Variants in AFF2 observed in about 807,000 individuals in gnomAD.
AFF2 encodes the protein ALF transcription elongation factor 2.
AFF2 carries 14 observed loss-of-function variants against 76.9 expected under a neutral mutation model. The observed-to-expected ratio is 0.18, with a 90% CI of 0.12 to 0.28. The LOEUF (loss-of-function observed/expected upper bound fraction) is 0.28, where lower values mean the gene tolerates loss of function less well. AFF2 is among the 10% of genes least tolerant of loss of function. The probability of loss-of-function intolerance (pLI) is 1.00; values close to 1 mark genes in which losing one functional copy is unlikely to be tolerated. For synonymous variants in AFF2, 398 were observed against 366.7 expected (o/e 1.09, Z -0.98); for missense variants, 868 against 1,001.1 (o/e 0.87, Z 1.79).
At chrX:148,647,955 A>G (rs2054159978) in intron 1 of AFF2, among the ~76,000 whole-genome samples, 1 of 111,816 alleles carries the variant, frequency 8.9e-6, no homozygotes, top group South Asian at 3.7e-4. Flanking sequence ...ATCTCACGGA[A>G]TCTACATGTG....
chrX:148,665,599 G>C, intron 3 of AFF2, among the ~76,000 whole-genome samples: 1 of 111,744 alleles, frequency 8.9e-6, no homozygotes, highest in Non-Finnish European at 1.9e-5. Flanking sequence ...AGAGAGCTTA[G>C]AAGGGTGCAG....
intron 3 of AFF2, among the ~76,000 whole-genome samples, chrX:148,668,939 T>G (rs782590927): frequency 6.2e-5 from 7 of 112,326 alleles, no homozygotes; most frequent in Admixed American, 1.9e-4. Context: ...AAGCTGCAAA[T>G]TTTCCAAACT....
intron 8 of AFF2, among the ~76,000 whole-genome samples, chrX:148,892,755 G>A (rs2071238268): frequency 8.9e-6 from 1 of 112,271 alleles, no homozygotes; most frequent in Non-Finnish European, 1.9e-5. Context: ...TGTGACAACA[G>A]ATACTCTTCC....
intron 1 of AFF2, among the ~76,000 whole-genome samples, chrX:148,636,955 A>C (rs2054037912): frequency 8.9e-6 from 1 of 112,163 alleles, no homozygotes; most frequent in African/African-American, 3.2e-5. Flanking sequence ...GGCAATTTAC[A>C]TTAATCCCGG....
chrX:148,831,337 A>G (rs782568900), intron 4 of AFF2, among the ~76,000 whole-genome samples: 14 of 112,603 alleles, frequency 1.2e-4, no homozygotes, highest in African/African-American at 4.5e-4. Flanking sequence ...TTGATTGGGG[A>G]AGTGATAAAT....
At chrX:148,830,580 C>T (rs1041772668) in intron 4 of AFF2, among the ~76,000 whole-genome samples, 2 of 111,625 alleles carry the variant, frequency 1.8e-5, no homozygotes, top group Non-Finnish European at 3.8e-5. Context: ...CATCACATGT[C>T]GGCAGGTTCC....
Position 148,512,673 on chromosome X carries a change from T to G in AFF2, c.47+11529T>G, listed in dbSNP as rs782812125. Among the ~76,000 whole-genome samples the G allele has an allele frequency of 3.6e-5, 4 of 112,464 alleles. No homozygotes were observed. The East Asian group carries it at 8.4e-4, about 24-fold the overall frequency. On this transcript the variant is annotated intron_variant, in intron 1 of 20. Transcript: ENST00000370460. ...TCCTAATGGGATCTGTCTGTTAAAA[T>G]TACATAAAGTAGGGCATTTGATTTA... is the stretch of plus-strand genomic sequence containing the variant.
At chrX:148,583,592 T>A (rs1406258297) in intron 1 of AFF2, among the ~76,000 whole-genome samples, 1 of 111,728 alleles carries the variant, frequency 9.0e-6, no homozygotes, top group Non-Finnish European at 1.9e-5. Context: ...TGTTCATATA[T>A]GCATATGTAT....
At chrX:148,518,769 G>A (rs939629499) in intron 1 of AFF2, among the ~76,000 whole-genome samples, 5 of 112,082 alleles carry the variant, frequency 4.5e-5, no homozygotes, top group Admixed American at 3.8e-4. Context: ...AAGCTGCAGT[G>A]TAGACCATTG....
rs781876982 is a variant in AFF2 at position 148,700,448 on chromosome X, G to GTGTC, written c.1041+37683_1041+37684insCTGT. 2.8e-5 allele frequency among the ~76,000 whole-genome samples: 3 copies of GTGTC among 107,480 alleles called. No homozygotes were observed. In the East Asian group the frequency reaches 9.0e-4, roughly 32 times the overall value. 93.3% of individuals were successfully genotyped at this position (107,480 alleles called of 115,157 possible). On this transcript the variant is annotated intron_variant, in intron 3 of 20. Transcript: ENST00000370460. The stretch of plus-strand genomic sequence containing the variant: ...TGTGTGTGTGTGTGTGTGTGTGTGT[G>GTGTC]TGTGTGTGTGTGTGGTGATTGCGGG...
intron 3 of AFF2, among the ~76,000 whole-genome samples, chrX:148,734,625 A>T (rs888843894): frequency 8.9e-6 from 1 of 111,947 alleles, no homozygotes; most frequent in Non-Finnish European, 1.9e-5. Flanking sequence ...CCAGTGTCAC[A>T]ATTTTGAAAA....
At chrX:148,770,937 C>T (rs1057303966) in intron 3 of AFF2, among the ~76,000 whole-genome samples, 6 of 111,718 alleles carry the variant, frequency 5.4e-5, no homozygotes, top group Non-Finnish European at 1.1e-4. Flanking sequence ...TGTTCCCTAA[C>T]GGAAAAAATG....
chrX:148,880,042 T>A, intron 7 of AFF2, among the ~76,000 whole-genome samples: 1 of 112,357 alleles, frequency 8.9e-6, no homozygotes, highest in Middle Eastern at 4.6e-3. Context: ...GGCACAGTGG[T>A]TGGCACTGGG....
Position 148,904,273 on chromosome X carries a change from T to G in AFF2, c.1397+15T>G. The G allele has an allele frequency of 9.6e-7, 1 of 1,039,275 alleles. No homozygotes were observed. Among genetic ancestry groups the G allele is most frequent in the Non-Finnish European group, 1.3e-6 (1 of 742,877 alleles). 85.6% of individuals were successfully genotyped at this position (1,039,275 alleles called of 1,213,427 possible). ...AATCCTGTGAAGTAAGTTATTATTT[T>G]TATTAGTTGCAAATGTTAATTTTAA... On this transcript the variant is annotated intron_variant, in intron 9 of 20. Transcript: ENST00000370460.
At chrX:148,539,393 G>A (rs1039478370) in intron 1 of AFF2, among the ~76,000 whole-genome samples, 9 of 111,243 alleles carry the variant, frequency 8.1e-5, no homozygotes, top group Non-Finnish European at 1.7e-4. Flanking sequence ...TGCTATTTTC[G>A]TTAGATCATA....
At chrX:148,721,389 G>C (rs2055091012) in intron 3 of AFF2, among the ~76,000 whole-genome samples, 1 of 111,685 alleles carries the variant, frequency 9.0e-6, no homozygotes. Flanking sequence ...TGTGAAATGG[G>C]GATAATAATC....
intron 3 of AFF2, among the ~76,000 whole-genome samples, chrX:148,764,890 A>G (rs1557267584): frequency 8.9e-6 from 1 of 112,200 alleles, no homozygotes. Context: ...CGAATTATTT[A>G]CTAGAATCAA....
rs782369214 is a variant in AFF2 at position 148,955,921 on chromosome X, A to T, written c.1876A>T (p.Ile626Phe). ...TTSETVSQRT[I>F]GKKQPKKVEK... The stretch of plus-strand genomic sequence containing the variant: ...TAGTGAGACAGTGTCTCAAAGGACA[A>T]TTGGGAAAAAACAGCCCAAAAAAGT... Residue 626 changes from isoleucine to phenylalanine, a missense_variant, in exon 11 of 21, where the codon ATT becomes TTT. Transcript: ENST00000370460. 1.7e-6 allele frequency: 2 copies of T among 1,211,700 alleles called. No individual in the cohort carries two copies. Among genetic ancestry groups the T allele is most frequent in the Non-Finnish European group, 2.2e-6 (2 of 895,551 alleles).
intron 1 of AFF2, among the ~76,000 whole-genome samples, chrX:148,565,658 A>G (rs2053161741): frequency 9.0e-6 from 1 of 111,445 alleles, no homozygotes; most frequent in African/African-American, 3.3e-5. Flanking sequence ...TCATAGGTTT[A>G]TGGCCCTAAG....
Sources: allele counts gnomAD v4.1 joint callset (sites outside exome capture counted in the v4.1 genomes callset), GRCh38; gene constraint gnomAD v4.1.1; transcripts MANE v1.5; gene names NCBI Gene and HGNC (gene_info 2026-07-23, HGNC 2026-07-21).